The following ZDHHC11 variants were observed in gnomAD, a reference collection of about 807,000 sequenced individuals.
ZDHHC11 encodes zDHHC palmitoyltransferase 11, also known as palmitoyltransferase ZDHHC11.
A neutral mutation model predicts 51.3 loss-of-function variants in ZDHHC11; 44 were observed. The ratio of observed to expected loss-of-function variants is 0.86; its 90% confidence interval spans 0.67 to 1.10. The LOEUF is 1.10. Among genes scored for constraint, ZDHHC11 ranks in the 50% least tolerant of loss-of-function variants. ZDHHC11 has a pLI of 0.00. For synonymous variants in ZDHHC11, 163 were observed against 222.0 expected (o/e 0.73, Z 2.36); for missense variants, 400 against 537.7 (o/e 0.74, Z 2.53).
Position 857,000 on chromosome 5 carries a change from T to C in ZDHHC11, c.-1+1874A>G, listed in dbSNP as rs146744016. ...CAGCACACAAACCACACACACCACA[T>C]ACCGCACACATACAACCCCCACAGA... On this transcript the variant is annotated intron_variant, in intron 1 of 3. Transcript: ENST00000685990. 9.6e-5 allele frequency among the ~76,000 whole-genome samples: 14 copies of C among 145,096 alleles called. No homozygotes were observed. In the East Asian group the frequency reaches 2.9e-3, roughly 30 times the overall value.
chr5:804,281 A>C (rs2150290753), intron 11 of ZDHHC11, among the ~76,000 whole-genome samples: 1 of 151,492 alleles, frequency 6.6e-6, no homozygotes, highest in South Asian at 2.1e-4. Context: ...TCCTTTGTCC[A>C]GCATATCCAT....
intron 10 of ZDHHC11, among the ~76,000 whole-genome samples, chr5:818,879 C>T (rs1190946224): frequency 6.6e-6 from 1 of 151,312 alleles, no homozygotes; most frequent in Admixed American, 6.6e-5. Context: ...AAATAACAAC[C>T]CAGTAGAAAC....
chr5:836,099 G>T (rs1392465318), intron 6 of ZDHHC11, among the ~76,000 whole-genome samples: 1 of 146,266 alleles, frequency 6.8e-6, no homozygotes, highest in African/African-American at 2.5e-5. Context: ...TAGGAGGAAA[G>T]GGCGTCATCA....
chr5:834,846 G>A lies in ZDHHC11; in HGVS notation c.901-1039C>T, dbSNP rs1838644. Among the ~76,000 whole-genome samples the A allele has an allele frequency of 5.5e-3, 829 of 151,742 alleles. 37 individuals are homozygous for A. In the East Asian group the frequency reaches 0.09, roughly 16 times the overall value. ...TTTTAGACATAATGCTGTTGCACAC[G>A]TCATGTAAACGTAACTTTTATAAGC... On this transcript the variant is annotated intron_variant, in intron 6 of 12. Transcript: ENST00000283441.
At chr5:859,839 C>G (rs369579908), upstream of ZDHHC11, among the ~76,000 whole-genome samples, 108 of 151,576 alleles carry the variant, frequency 7.1e-4, no homozygotes, top group African/African-American at 2.5e-3. Context: ...ATTTCCAGTT[C>G]GTGTCGGTTG....
At chr5:852,283 C>T (rs546457805), upstream of ZDHHC11, among the ~76,000 whole-genome samples, 4 of 152,296 alleles carry the variant, frequency 2.6e-5, no homozygotes, top group Non-Finnish European at 4.4e-5. Flanking sequence ...AATCGCTCAG[C>T]GGCCTTGAGC....
intron 4 of ZDHHC11, chr5:842,789 T>A (rs1255372059): frequency 2.5e-6 from 2 of 795,758 alleles, no homozygotes; most frequent in African/African-American, 3.6e-5. Flanking sequence ...GCACGCTGCC[T>A]CCGCAGGGTC....
chr5:803,521 G>T (rs2150288159), intron 11 of ZDHHC11, among the ~76,000 whole-genome samples: 1 of 151,438 alleles, frequency 6.6e-6, no homozygotes, highest in East Asian at 1.9e-4. Context: ...CAGAGGAGGA[G>T]AAGCACTTGA....
rs1737520826 is a variant in ZDHHC11 at position 795,984 on chromosome 5, C to A, written c.*604G>T. 1 of 153,930 alleles carries A rather than the reference C, an allele frequency of 6.5e-6. No homozygotes were observed. Among genetic ancestry groups the A allele is most frequent in the Non-Finnish European group, 1.5e-5 (1 of 68,108 alleles). 9.5% of individuals were successfully genotyped at this position (153,930 alleles called of 1,614,324 possible). ...ATGCCCATTTCCCAGTACTGTGCTC[C>A]CATTTCTCAGTAGTGTACTCCCATT... On this transcript the variant is annotated 3_prime_UTR_variant, in exon 13 of 13. Transcript: ENST00000283441.
chr5:828,827 T>A (rs561412603), intron 7 of ZDHHC11, among the ~76,000 whole-genome samples: 1 of 140,506 alleles, frequency 7.1e-6, no homozygotes, highest in Admixed American at 7.1e-5. Context: ...GGGAATAAAT[T>A]GATAATTAAC....
intron 11 of ZDHHC11, among the ~76,000 whole-genome samples, chr5:813,221 G>A (rs999786001): frequency 1.4e-5 from 2 of 142,240 alleles, no homozygotes; most frequent in African/African-American, 5.5e-5. Flanking sequence ...CCAGCTACTT[G>A]GGAGGCTGAG....
intron 8 of ZDHHC11, chr5:823,355 T>TGTC (rs1215875240): frequency 3.6e-4 from 55 of 151,248 alleles, no homozygotes; most frequent in African/African-American, 1.1e-3. Context: ...ACCACACTCA[T>TGTC]TACAAACCCT....
intron 8 of ZDHHC11, among the ~76,000 whole-genome samples, chr5:822,282 GT>G (rs1741668055): frequency 6.6e-6 from 1 of 151,268 alleles, no homozygotes; most frequent in Non-Finnish European, 1.5e-5. Context: ...AGGGAAGACT[GT>G]GAGAGGACAC....
intron 3 of ZDHHC11, among the ~76,000 whole-genome samples, chr5:846,305 C>T (rs558948851): frequency 4.0e-5 from 6 of 151,110 alleles, no homozygotes; most frequent in Admixed American, 1.3e-4. Context: ...CCCACTCCCA[C>T]GCACACCAAG....
intron 9 of ZDHHC11, among the ~76,000 whole-genome samples, chr5:819,902 AGGTAGTGTC>A (rs1204154779): frequency 6.6e-6 from 1 of 151,318 alleles, no homozygotes; most frequent in Non-Finnish European, 1.5e-5. Flanking sequence ...TGCCTTAGAC[AGGTAGTGTC>A]CTCCGTTAGT....
intron 11 of ZDHHC11, among the ~76,000 whole-genome samples, chr5:809,153 G>A (rs1197665081): frequency 6.2e-5 from 9 of 144,422 alleles, no homozygotes; most frequent in South Asian, 2.3e-4. Flanking sequence ...ACCTGGAAGC[G>A]ACCAGGGCTA....
intron 5 of ZDHHC11, 104 bp downstream of exon 5, chr5:840,391 C>A (rs7701283): frequency 7.1e-7 from 1 of 1,405,446 alleles, no homozygotes; most frequent in Non-Finnish European, 9.9e-7. Context: ...TGGCCCCAGG[C>A]GTGGGGGGCT....
intron 11 of ZDHHC11, 140 bp from the exon 12 acceptor site, chr5:801,304 G>T: frequency 9.6e-7 from 1 of 1,044,068 alleles, no homozygotes; most frequent in Non-Finnish European, 1.4e-6. Context: ...TCACCTCTCT[G>T]AGTTTCAGAG....
At chr5:813,062 C>T (rs1740297593) in intron 11 of ZDHHC11, among the ~76,000 whole-genome samples, 1 of 144,526 alleles carries the variant, frequency 6.9e-6, no homozygotes, top group African/African-American at 2.7e-5. Context: ...CATGGCCAGA[C>T]ACAGTGACTC....
Sources: gnomAD v4.1 joint callset for allele counts (sites outside exome capture counted in the v4.1 genomes callset) on GRCh38, gnomAD v4.1.1 for gene constraint, MANE v1.5 for transcripts, NCBI Gene and HGNC (gene_info 2026-07-23, HGNC 2026-07-21) for gene names.